Variants in GNAQ observed in about 807,000 individuals in gnomAD.
GNAQ encodes the protein G protein subunit alpha q, also known as guanine nucleotide-binding protein G(q) subunit alpha.
Under a neutral mutation model 43.9 loss-of-function variants are expected in GNAQ, and 8 were observed. The observed-to-expected ratio is 0.18, with a 90% CI of 0.11 to 0.33. The LOEUF (loss-of-function observed/expected upper bound fraction) is 0.33, where lower values mean the gene tolerates loss of function less well. GNAQ is among the 10% of genes least tolerant of loss of function. GNAQ has a pLI of 1.00. For missense variants in GNAQ, 158 were observed against 450.8 expected (o/e 0.35, Z 5.88); for synonymous variants, 155 against 170.7 (o/e 0.91, Z 0.71).
At chr9:77,740,757 ATTAC>A (rs1302294821) in intron 5 of GNAQ, among the ~76,000 whole-genome samples, 1 of 152,206 alleles carries the variant, frequency 6.6e-6, no homozygotes, top group Non-Finnish European at 1.5e-5. Flanking sequence ...TATGAATGTT[ATTAC>A]TTTTTATGAA....
chr9:77,916,816 G>C (rs1023555734), intron 2 of GNAQ, among the ~76,000 whole-genome samples: 6 of 151,722 alleles, frequency 4.0e-5, no homozygotes, highest in Admixed American at 2.0e-4. Flanking sequence ...GTGAGGCGGA[G>C]TTCTCTTAGA....
chr9:77,756,172 G>A (rs759755495), intron 5 of GNAQ, among the ~76,000 whole-genome samples: 5 of 152,172 alleles, frequency 3.3e-5, no homozygotes, highest in Non-Finnish European at 7.3e-5. Flanking sequence ...TCCTCAGCTT[G>A]CAGGTGGCCT....
At chr9:77,964,809 G>A (rs1823146507) in intron 1 of GNAQ, among the ~76,000 whole-genome samples, 1 of 151,930 alleles carries the variant, frequency 6.6e-6, no homozygotes, top group Admixed American at 6.6e-5. Flanking sequence ...GAGGTAAATA[G>A]GTAGTACCAG....
chr9:77,955,930 T>C (rs139423365), intron 1 of GNAQ, among the ~76,000 whole-genome samples: 7 of 152,338 alleles, frequency 4.6e-5, no homozygotes, highest in African/African-American at 7.2e-5. Flanking sequence ...GTGATGTTTC[T>C]CTTCCGATGG....
rs780070704 is a variant in GNAQ at position 77,753,037 on chromosome 9, AG to A, written c.736-24371del. Reference sequence around the variant, plus strand: ...GGGAGGCGGAGCTTGCAGTGAGCCGAGATCGCGCCACTGCACTCCAGCCTGG... The same window carrying A: ...GGGAGGCGGAGCTTGCAGTGAGCCGAATCGCGCCACTGCACTCCAGCCTGG... On this transcript the variant is annotated intron_variant, in intron 5 of 6. Coordinates refer to ENST00000286548, the MANE Select transcript of GNAQ (RefSeq NM_002072.5). 1.1e-4 allele frequency among the ~76,000 whole-genome samples: 16 copies of A among 146,136 alleles called. No individual in the cohort carries two copies. The East Asian group carries it at 2.1e-3, about 19-fold the overall frequency.
intron 1 of GNAQ, among the ~76,000 whole-genome samples, chr9:77,978,319 T>C (rs1054254774): frequency 6.6e-6 from 1 of 152,200 alleles, no homozygotes; most frequent in African/African-American, 2.4e-5. Context: ...GATTATACTA[T>C]TTTTAGTCCT....
At chr9:77,794,668 A>G (rs1028716428) in intron 4 of GNAQ, 76 bp from the exon 5 acceptor site, 16 of 773,340 alleles carry the variant, frequency 2.1e-5, no homozygotes, top group Non-Finnish European at 3.2e-5. Flanking sequence ...AGCACTACTT[A>G]CAAACTTAGG....
intron 5 of GNAQ, among the ~76,000 whole-genome samples, chr9:77,761,356 G>T (rs866091631): frequency 1.1e-5 from 1 of 87,252 alleles, no homozygotes; most frequent in African/African-American, 3.9e-5. Flanking sequence ...CAGCCGCCCC[G>T]TCCGGGAGGT....
intron 3 of GNAQ, among the ~76,000 whole-genome samples, chr9:77,798,586 G>T (rs1405832199): frequency 6.6e-6 from 1 of 152,094 alleles, no homozygotes; most frequent in African/African-American, 2.4e-5. Context: ...CTGGATCCAG[G>T]ACCTCCTGCA....
intron 1 of GNAQ, among the ~76,000 whole-genome samples, chr9:77,950,435 G>A (rs1368934689): frequency 3.3e-5 from 5 of 152,196 alleles, no homozygotes; most frequent in African/African-American, 7.2e-5. Context: ...GCAGCCGTTT[G>A]CTCCCACAAG....
intron 3 of GNAQ, among the ~76,000 whole-genome samples, chr9:77,804,020 T>C (rs1016989616): frequency 1.4e-4 from 21 of 152,228 alleles, no homozygotes; most frequent in Admixed American, 7.2e-4. Context: ...TAAAATAATA[T>C]GCCCAAATCA....
intron 2 of GNAQ, among the ~76,000 whole-genome samples, chr9:77,865,691 T>C (rs1467934336): frequency 1.3e-5 from 2 of 152,194 alleles, no homozygotes; most frequent in East Asian, 3.9e-4. Flanking sequence ...CTCTGTCCCG[T>C]GGCAAGTCAA....
At chr9:77,893,520 C>T (rs2118118422) in intron 2 of GNAQ, among the ~76,000 whole-genome samples, 1 of 152,344 alleles carries the variant, frequency 6.6e-6, no homozygotes, top group African/African-American at 2.4e-5. Context: ...TATAAGCATA[C>T]TCAGTTGAGC....
At chr9:77,816,092 C>G (rs991817809) in intron 2 of GNAQ, among the ~76,000 whole-genome samples, 1 of 152,160 alleles carries the variant, frequency 6.6e-6, no homozygotes, top group African/African-American at 2.4e-5. Flanking sequence ...TATCATAATC[C>G]TAAAATGTTA....
chr9:77,801,602 G>T (rs1369968296), intron 3 of GNAQ, among the ~76,000 whole-genome samples: 1 of 152,116 alleles, frequency 6.6e-6, no homozygotes, highest in African/African-American at 2.4e-5. Flanking sequence ...AGAGAGAAAG[G>T]CTCACTTTGC....
chr9:77,939,722 T>C (rs1829287657), intron 1 of GNAQ, among the ~76,000 whole-genome samples: 5 of 152,214 alleles, frequency 3.3e-5, no homozygotes, highest in Admixed American at 2.6e-4. Flanking sequence ...AGGTAATTAT[T>C]CTGTCCAACA....
chr9:77,923,014 A>ATT (rs11353032), intron 1 of GNAQ, among the ~76,000 whole-genome samples: 1 of 146,112 alleles, frequency 6.8e-6, no homozygotes, highest in African/African-American at 2.5e-5. Flanking sequence ...TGCCCAGCTA[A>ATT]TTTTTTTTTT....
chr9:77,774,004 T>TC (rs1349245542), intron 5 of GNAQ, among the ~76,000 whole-genome samples: 3 of 152,160 alleles, frequency 2.0e-5, no homozygotes, highest in Non-Finnish European at 4.4e-5. Flanking sequence ...TCTTTTTTTT[T>TC]TTTAAAAAGG....
intron 5 of GNAQ, among the ~76,000 whole-genome samples, chr9:77,767,215 G>C (rs1016150824): frequency 6.6e-6 from 1 of 152,076 alleles, no homozygotes; most frequent in Non-Finnish European, 1.5e-5. Flanking sequence ...TTTCAACCTC[G>C]ACACTACTGA....
Sources: gnomAD v4.1 joint callset for allele counts (sites outside exome capture counted in the v4.1 genomes callset) on GRCh38, gnomAD v4.1.1 for gene constraint, MANE v1.5 for transcripts, NCBI Gene and HGNC (gene_info 2026-07-23, HGNC 2026-07-21) for gene names.